The following DCDC2 variants were observed in gnomAD, a reference collection of about 807,000 sequenced individuals.
DCDC2 encodes doublecortin domain containing 2.
DCDC2 carries 40 observed loss-of-function variants against 50.2 expected under a neutral mutation model. The ratio of observed to expected loss-of-function variants is 0.80; its 90% CI spans 0.62 to 1.04. The LOEUF (loss-of-function observed/expected upper bound fraction) is 1.04. Among genes scored for constraint, DCDC2 ranks in the 50% least tolerant of loss-of-function variants. The pLI is 0.00. For synonymous variants in DCDC2, 234 were observed against 210.6 expected (o/e 1.11, Z -0.96); for missense variants, 570 against 581.9 (o/e 0.98, Z 0.21).
intron 8 of DCDC2, among the ~76,000 whole-genome samples, chr6:24,197,273 C>T (rs1395905172): frequency 6.6e-6 from 1 of 152,212 alleles, no homozygotes; most frequent in East Asian, 1.9e-4. Flanking sequence ...CCTCCCAACT[C>T]CCCTTCCTGA....
intron 8 of DCDC2, among the ~76,000 whole-genome samples, chr6:24,186,941 T>C (rs1761216539): frequency 6.6e-6 from 1 of 152,146 alleles, no homozygotes; most frequent in African/African-American, 2.4e-5. Context: ...AAGAGAAGCC[T>C]GAGAACAAAC....
At chr6:24,375,800 C>CCACCTAT in the DCDC2 span, among the ~76,000 whole-genome samples, 1 of 151,452 alleles carries the variant, frequency 6.6e-6, no homozygotes, top group Admixed American at 6.6e-5. Context: ...TTGATGAATA[C>CCACCTAT]ATTAATAATG....
In DCDC2 at chr6:24,278,068, T is replaced by A. The variant is rs1763397282; in HGVS notation, c.903A>T (p.Gln301His). Residue 301 changes from glutamine to histidine, a missense_variant, in exon 7 of 10, where the codon CAA (glutamine) becomes CAT (histidine). By Grantham distance (24) the Gln-to-His change is conservative. Coordinates refer to ENST00000378454, the MANE Select transcript of DCDC2 (RefSeq NM_016356.5). The stretch of plus-strand genomic sequence containing the variant: ...ACTTACCACTATTTGGAATGGTTTC[T>A]TGTGAATTCTTTAATTTTACATTTT... ...LKQNVKLKNSQETIPNSDEGI... is the reference protein window; with the variant it reads ...LKQNVKLKNSHETIPNSDEGI... The A allele has an allele frequency of 6.2e-7, 1 of 1,611,858 alleles. No individual in the cohort carries two copies. Among genetic ancestry groups the A allele is most frequent in the Non-Finnish European group, 8.5e-7 (1 of 1,178,624 alleles).
intron 2 of DCDC2, among the ~76,000 whole-genome samples, chr6:24,339,903 G>A (rs1412919434): frequency 1.3e-5 from 2 of 151,782 alleles, no homozygotes; most frequent in African/African-American, 2.4e-5. Context: ...CTATAAGATA[G>A]AGAGAGCAAA....
chr6:24,203,803 C>T (rs926763962), intron 8 of DCDC2, among the ~76,000 whole-genome samples: 1 of 151,988 alleles, frequency 6.6e-6, no homozygotes, highest in Non-Finnish European at 1.5e-5. Flanking sequence ...AAAAAACAAA[C>T]AAACCCATCA....
At chr6:24,201,532 T>C (rs1318601897) in intron 8 of DCDC2, among the ~76,000 whole-genome samples, 1 of 152,196 alleles carries the variant, frequency 6.6e-6, no homozygotes, top group Non-Finnish European at 1.5e-5. Context: ...TAGCACTAAA[T>C]GCCCACAGGA....
chr6:24,228,709 C>T (rs553202676), intron 7 of DCDC2, among the ~76,000 whole-genome samples: 9 of 152,286 alleles, frequency 5.9e-5, no homozygotes, highest in Non-Finnish European at 1.0e-4. Flanking sequence ...GTACTAACTT[C>T]GAATATTTCC....
At chr6:24,242,132 C>T (rs888640753) in intron 7 of DCDC2, among the ~76,000 whole-genome samples, 9 of 152,240 alleles carry the variant, frequency 5.9e-5, no homozygotes, top group Non-Finnish European at 1.0e-4. Context: ...TATGATTGCA[C>T]CACTGCACTC....
the DCDC2 span, among the ~76,000 whole-genome samples, chr6:24,378,739 A>C: frequency 6.6e-6 from 1 of 152,154 alleles, no homozygotes; most frequent in African/African-American, 2.4e-5. Flanking sequence ...CTGCAGGCAT[A>C]TAAATTCAGC....
At chr6:24,322,655 G>C (rs1332862449) in intron 2 of DCDC2, among the ~76,000 whole-genome samples, 1 of 151,992 alleles carries the variant, frequency 6.6e-6, no homozygotes, top group African/African-American at 2.4e-5. Flanking sequence ...TCTTTAACCG[G>C]AACATTCTTT....
At chr6:24,269,550 G>T (rs994694295) in intron 7 of DCDC2, among the ~76,000 whole-genome samples, 6 of 152,090 alleles carry the variant, frequency 3.9e-5, no homozygotes, top group Non-Finnish European at 7.4e-5. Context: ...ATTAGCAAGG[G>T]GTGGAGTACA....
upstream of DCDC2, among the ~76,000 whole-genome samples, chr6:24,359,108 T>TTATATATTATATATATTATATATTTTA (rs1561788938): frequency 1.2e-3 from 78 of 62,516 alleles, no homozygotes; most frequent in African/African-American, 4.2e-3. Context: ...ATTTTATATA[T>TTATATATTATATATATTATATATTTTA]TATATATTAT....
intron 8 of DCDC2, among the ~76,000 whole-genome samples, chr6:24,186,250 TG>T (rs1761200506): frequency 1.3e-5 from 2 of 152,370 alleles, no homozygotes; most frequent in Non-Finnish European, 2.9e-5. Context: ...TAGCCAGTTA[TG>T]GATGTAATAT....
chr6:24,356,569 T>A (rs1194759207), intron 1 of DCDC2, among the ~76,000 whole-genome samples: 1 of 151,972 alleles, frequency 6.6e-6, no homozygotes, highest in Non-Finnish European at 1.5e-5. Flanking sequence ...AAAAAAAAAA[T>A]GGAATGTAAA....
chr6:24,277,252 C>A (rs1763379590), intron 7 of DCDC2, among the ~76,000 whole-genome samples: 1 of 118,384 alleles, frequency 8.4e-6, no homozygotes, highest in African/African-American at 2.7e-5. Context: ...GAACCCCTCA[C>A]AGTCCCACGG....
At chr6:24,220,889 A>C (rs1581594654) in intron 7 of DCDC2, among the ~76,000 whole-genome samples, 1 of 142,342 alleles carries the variant, frequency 7.0e-6, no homozygotes, top group Non-Finnish European at 1.6e-5. Flanking sequence ...AGAGCGAGAG[A>C]GTGAGCGAGC....
At chr6:24,367,490 A>C in the DCDC2 span, among the ~76,000 whole-genome samples, 1 of 152,232 alleles carries the variant, frequency 6.6e-6, no homozygotes, top group Non-Finnish European at 1.5e-5. Context: ...ATTTGTGCTA[A>C]AGGCCGAGGT....
chr6:24,383,219 A>G, the DCDC2 span, among the ~76,000 whole-genome samples: 4 of 151,864 alleles, frequency 2.6e-5, no homozygotes, highest in East Asian at 5.8e-4. Context: ...CCAGCTACTC[A>G]GGAGGCTAAG....
In DCDC2 at chr6:24,174,023, T is replaced by C. The variant is rs1440251287; in HGVS notation, c.*707A>G. 2 of 152,204 alleles carry C rather than the reference T, an allele frequency of 1.3e-5. No homozygotes were observed. Among genetic ancestry groups the C allele is most frequent in the African/African-American group, 2.4e-5 (1 of 41,458 alleles). 9.4% of individuals were successfully genotyped at this position (152,204 alleles called of 1,614,324 possible). ...ATACATCCAGGCTTTATAATATAAC[T>C]GGGTGCTCCTTTACAATTCCTTCCT... is the stretch of plus-strand genomic sequence containing the variant. On this transcript the variant is annotated 3_prime_UTR_variant, in exon 10 of 10. Coordinates refer to ENST00000378454, the MANE Select transcript of DCDC2 (RefSeq NM_016356.5).
Sources: gnomAD v4.1 joint callset for allele counts (sites outside exome capture counted in the v4.1 genomes callset) on GRCh38, gnomAD v4.1.1 for gene constraint, MANE v1.5 for transcripts, NCBI Gene and HGNC (gene_info 2026-07-23, HGNC 2026-07-21) for gene names.